BAG3: variants seen among roughly 807,000 people sequenced by gnomAD.
BAG3 encodes the protein BAG cochaperone 3.
A neutral mutation model predicts 40.5 loss-of-function variants in BAG3; 14 were observed. The observed-to-expected ratio is 0.35, with a 90% CI of 0.23 to 0.54. The LOEUF (loss-of-function observed/expected upper bound fraction) is 0.54, where lower values mean the gene tolerates loss of function less well. Among genes scored for constraint, BAG3 ranks in the 20% least tolerant of loss-of-function variants. The pLI is 0.91. For missense variants in BAG3, 788 were observed against 758.6 expected (o/e 1.04, Z -0.46); for synonymous variants, 302 against 307.8 (o/e 0.98, Z 0.20).
In BAG3 at chr10:119,676,896, G is replaced by A. The variant is rs1847245562; in HGVS notation, c.1342G>A (p.Asp448Asn). The A allele has an allele frequency of 6.2e-7, 1 of 1,614,066 alleles. No individual in the cohort carries two copies. The highest frequency in any genetic ancestry group is 1.1e-5 in the South Asian group (1 of 91,080). The change falls in exon 4 of 4, where the codon GAC (aspartate) becomes AAC (asparagine). Residue 448 changes from aspartate to asparagine, a missense_variant. Physicochemically the swap from Asp to Asn is conservative, Grantham distance 23 (BLOSUM62 1). Coordinates refer to ENST00000369085, the MANE Select transcript of BAG3 (RefSeq NM_004281.4). ...AVDNFEGKKTDKKYLMIEEYL... is the reference protein window; with the variant it reads ...AVDNFEGKKTNKKYLMIEEYL... Reference sequence around the variant, plus strand: ...AGACAACTTTGAAGGCAAGAAGACTGACAAAAAGTACCTGATGATCGAAGA... The same window carrying A: ...AGACAACTTTGAAGGCAAGAAGACTAACAAAAAGTACCTGATGATCGAAGA...
Position 119,672,772 on chromosome 10 carries a change from C to A in BAG3, c.909+116C>A. The A allele has an allele frequency of 7.1e-7, 1 of 1,410,538 alleles. No individual in the cohort carries two copies. Among genetic ancestry groups the A allele is most frequent in the East Asian group, 2.3e-5 (1 of 42,828 alleles). 87.4% of individuals were successfully genotyped at this position (1,410,538 alleles called of 1,614,324 possible). ...CCCTGCCTATTTAACATGCGTGTAC[C>A]TACAGGCAAGTGAGATTCGAGAAAT... On this transcript the variant is annotated intron_variant, in intron 3 of 3. Coordinates refer to ENST00000369085, the MANE Select transcript of BAG3 (RefSeq NM_004281.4). The surrounding 1 kb of genome is among the most constrained non-coding windows in gnomAD (Gnocchi z 4.8).
At chr10:119,663,643 G>A (rs1200307614) in intron 1 of BAG3, among the ~76,000 whole-genome samples, 2 of 152,024 alleles carry the variant, frequency 1.3e-5, no homozygotes, top group African/African-American at 4.8e-5. Context: ...ATGAAACTTT[G>A]GGGTGCTCTG....
chr10:119,654,496 G>A (rs978583336), intron 1 of BAG3, among the ~76,000 whole-genome samples: 6 of 152,162 alleles, frequency 3.9e-5, no homozygotes, highest in Admixed American at 1.3e-4. Flanking sequence ...TTGATCTTCC[G>A]CCTTCTCCTG....
intron 1 of BAG3, among the ~76,000 whole-genome samples, chr10:119,663,612 G>T (rs1049372163): frequency 2.0e-5 from 3 of 152,052 alleles, no homozygotes; most frequent in African/African-American, 7.2e-5. Flanking sequence ...CCGGACCCGG[G>T]CCCTCCTCTT....
intron 1 of BAG3, among the ~76,000 whole-genome samples, chr10:119,652,126 T>C (rs970509662): frequency 2.0e-5 from 3 of 152,048 alleles, no homozygotes; most frequent in Non-Finnish European, 2.9e-5. Context: ...TCCGGTGCCG[T>C]CCACGGCTCG....
chr10:119,670,230 C>T (rs1163232896), intron 2 of BAG3, 53 bp downstream of exon 2: 2 of 1,552,376 alleles, frequency 1.3e-6, no homozygotes, highest in Non-Finnish European at 8.6e-7. Context: ...GCTGTGCTTC[C>T]CAGGCCGGGC....
chr10:119,674,086 C>T (rs1197501675), intron 3 of BAG3, among the ~76,000 whole-genome samples: 1 of 152,234 alleles, frequency 6.6e-6, no homozygotes, highest in South Asian at 2.1e-4. Flanking sequence ...CATTTAGATG[C>T]AACTTCTCTT....
intron 3 of BAG3, among the ~76,000 whole-genome samples, chr10:119,673,605 A>G (rs1847181495): frequency 1.3e-5 from 2 of 152,240 alleles, no homozygotes. Context: ...ACAGTTTTTA[A>G]AAAGGAAAGC....
chr10:119,666,665 G>A (rs771498427), intron 1 of BAG3, among the ~76,000 whole-genome samples: 12 of 83,692 alleles, frequency 1.4e-4, no homozygotes, highest in Admixed American at 3.6e-4. Flanking sequence ...CTTCCCCCAG[G>A]AGGAGCTGCA....
At chr10:119,657,617 C>T (rs571264399) in intron 1 of BAG3, 2 of 470,978 alleles carry the variant, frequency 4.2e-6, no homozygotes, top group African/African-American at 4.0e-5. Context: ...GCAGAGTTGT[C>T]CTGGGCTCCT....
At chr10:119,669,758 G>A in intron 1 of BAG3, 93 bp from the exon 2 acceptor site, 9 of 1,317,018 alleles carry the variant, frequency 6.8e-6, no homozygotes, top group Non-Finnish European at 9.8e-6. Context: ...CACTCGGGAA[G>A]ATCACAATGC....
chr10:119,657,398 C>A (rs951286069), intron 1 of BAG3: 9 of 371,956 alleles, frequency 2.4e-5, no homozygotes, highest in African/African-American at 1.5e-4. Context: ...GGGGTCACAC[C>A]CCTGTTAGGA....
intron 1 of BAG3, among the ~76,000 whole-genome samples, chr10:119,666,061 C>G (rs1416203415): frequency 1.3e-5 from 2 of 152,190 alleles, no homozygotes; most frequent in Non-Finnish European, 1.5e-5. Flanking sequence ...GAGACCTTTC[C>G]CCTTCCCCCC....
At position 119,672,650 on chromosome 10, in the gene BAG3, G is replaced by A; in HGVS notation, c.903G>A (p.Arg301=). Residue 301 remains arginine, a synonymous_variant, in exon 3 of 4, where the codon AGG becomes AGA. Transcript: ENST00000369085. This position sits in a 1 kb window ranked among gnomAD's most constrained non-coding sequence, Gnocchi z 4.8. ...TCCGTGTGCACACCGTGGTCGACAG[G>A]CCTCAGGTACGGGAAGTTAGTCGTC... ...SPIRVHTVVD[R]PQQPMTHRET... is the part of the protein sequence containing the mutation. The A allele has an allele frequency of 6.2e-7, 1 of 1,613,292 alleles. No homozygotes were observed. Among genetic ancestry groups the A allele is most frequent in the Non-Finnish European group, 8.5e-7 (1 of 1,180,024 alleles).
At chr10:119,660,154 G>A (rs1051663053) in intron 1 of BAG3, among the ~76,000 whole-genome samples, 2 of 152,260 alleles carry the variant, frequency 1.3e-5, no homozygotes, top group African/African-American at 4.8e-5. Context: ...GCCCTGGTGA[G>A]GGGCCATCGA....
At chr10:119,674,249 G>A (rs1467218174) in intron 3 of BAG3, among the ~76,000 whole-genome samples, 2 of 152,200 alleles carry the variant, frequency 1.3e-5, no homozygotes, top group African/African-American at 4.8e-5. Flanking sequence ...GGTTGTGAGT[G>A]GTAAGGGCCA....
Position 119,651,831 on chromosome 10 carries a change from G to A in BAG3, c.156G>A (p.Pro52=), listed in dbSNP as rs1343121998. Residue 52 remains proline (P), a synonymous_variant, in exon 1 of 4, where the codon CCG becomes CCA. Coordinates refer to ENST00000369085, the MANE Select transcript of BAG3 (RefSeq NM_004281.4). ...GCCGCACCACTACGTGGAACGACCC[G>A]CGCGTGCCCTCTGAGGGCCCCAAGG... The part of the protein sequence containing the change: ...HNSRTTTWND[P]RVPSEGPKET... 1.9e-6 allele frequency: 3 copies of A among 1,588,650 alleles called. No homozygotes were observed. The highest frequency in any genetic ancestry group is 2.3e-5 in the South Asian group (2 of 88,094).
chr10:119,661,436 A>G (rs1012504627), intron 1 of BAG3, among the ~76,000 whole-genome samples: 5 of 152,258 alleles, frequency 3.3e-5, no homozygotes, highest in East Asian at 3.9e-4. Context: ...AGTCCTGTCC[A>G]TGGTCACACA....
At position 119,677,751 on chromosome 10, in the gene BAG3, A is replaced by G. The variant is rs1847262118; in HGVS notation, c.*469A>G. The G allele has an allele frequency of 5.5e-6, 1 of 181,354 alleles. No homozygotes were observed. The highest frequency in any genetic ancestry group is 1.2e-5 in the Non-Finnish European group (1 of 83,868). The allele number at this position is 181,354 out of a possible 1,614,324, so 11.2% of individuals were successfully genotyped here. ...AAAATGTGCCAGGAGCCATAGGAAT[A>G]TCTGTATGTTGGATGACTTTAATGC... On this transcript the variant is annotated 3_prime_UTR_variant, in exon 4 of 4. Coordinates refer to ENST00000369085, the MANE Select transcript of BAG3 (RefSeq NM_004281.4).
Sources: allele counts gnomAD v4.1 joint callset (sites outside exome capture counted in the v4.1 genomes callset), GRCh38; gene constraint gnomAD v4.1.1; non-coding constraint Gnocchi (gnomAD v3.1); transcripts MANE v1.5; gene names NCBI Gene and HGNC (gene_info 2026-07-23, HGNC 2026-07-21).